The following PKIA variants were observed in gnomAD, a reference collection of about 807,000 sequenced individuals.
The protein encoded by PKIA is cAMP-dependent protein kinase inhibitor alpha.
Under a neutral mutation model 7.6 loss-of-function variants are expected in PKIA, and 4 were observed. The observed-to-expected ratio is 0.52, with a 90% CI of 0.26 to 1.20. The LOEUF is 1.20. PKIA is among the 50% of genes most tolerant of loss of function. PKIA has a pLI of 0.13. For synonymous variants in PKIA, 21 were observed against 30.7 expected (o/e 0.68, Z 1.04); for missense variants, 73 against 86.2 (o/e 0.85, Z 0.61).
chr8:78,529,276 T>A (rs1301958709), intron 1 of PKIA, among the ~76,000 whole-genome samples: 2 of 152,104 alleles, frequency 1.3e-5, no homozygotes, highest in Non-Finnish European at 2.9e-5. Context: ...CAGTGTTATC[T>A]CAATAGTGTG....
At chr8:78,545,582 T>G in intron 1 of PKIA, among the ~76,000 whole-genome samples, 1 of 152,180 alleles carries the variant, frequency 6.6e-6, no homozygotes, top group East Asian at 1.9e-4. Context: ...TTTACTGACA[T>G]AATACTAATA....
intron 1 of PKIA, among the ~76,000 whole-genome samples, chr8:78,532,242 A>G (rs1463421981): frequency 6.6e-6 from 1 of 152,016 alleles, no homozygotes; most frequent in African/African-American, 2.4e-5. Flanking sequence ...CTCAAAGCTT[A>G]TTTAATATTA....
rs376974877 is a variant in PKIA at position 78,536,949 on chromosome 8, G to C, written c.-157+20481G>C. 8.7e-4 allele frequency among the ~76,000 whole-genome samples: 131 copies of C among 151,066 alleles called. 2 individuals are homozygous for C. Among genetic ancestry groups the C allele is most frequent in the Middle Eastern group, 6.8e-3 (2 of 292 alleles). The stretch of plus-strand genomic sequence containing the variant: ...GGCATCTCAGTCAACTCCCATATCT[G>C]AGTGGTTCTTTCAAATAATGCTTCT... On this transcript the variant is annotated intron_variant, in intron 1 of 3. Coordinates refer to ENST00000396418, the MANE Select transcript of PKIA (RefSeq NM_006823.4).
intron 1 of PKIA, among the ~76,000 whole-genome samples, chr8:78,538,008 C>T (rs1432221091): frequency 6.6e-6 from 1 of 152,026 alleles, no homozygotes; most frequent in Non-Finnish European, 1.5e-5. Context: ...AAAAGTATTT[C>T]ATGATAAACT....
intron 1 of PKIA, among the ~76,000 whole-genome samples, chr8:78,525,908 G>A (rs1809535202): frequency 1.3e-5 from 2 of 151,808 alleles, no homozygotes; most frequent in Admixed American, 6.6e-5. Context: ...CTAGCTGTGT[G>A]ATTTATACGT....
intron 1 of PKIA, among the ~76,000 whole-genome samples, chr8:78,572,130 C>A (rs1189160512): frequency 1.3e-5 from 2 of 151,964 alleles, no homozygotes; most frequent in Admixed American, 1.3e-4. Flanking sequence ...AACCTTTTTG[C>A]ATAATTTGCT....
chr8:78,573,011 G>A (rs1317901797), intron 2 of PKIA, 72 bp downstream of exon 2: 1 of 151,982 alleles, frequency 6.6e-6, no homozygotes, highest in African/African-American at 2.4e-5. Context: ...TGGTGTGACT[G>A]TCTGAAACAA....
chr8:78,546,133 C>G (rs1208444570), intron 1 of PKIA, among the ~76,000 whole-genome samples: 1 of 152,146 alleles, frequency 6.6e-6, no homozygotes, highest in African/African-American at 2.4e-5. Context: ...AATACATCAA[C>G]TAATACATTG....
chr8:78,552,621 G>A (rs1254608260), intron 1 of PKIA, among the ~76,000 whole-genome samples: 2 of 152,012 alleles, frequency 1.3e-5, no homozygotes, highest in East Asian at 1.9e-4. Flanking sequence ...ACAGGAACAT[G>A]CATGGGAACA....
At chr8:78,601,413 C>G (rs949449713) in intron 3 of PKIA, among the ~76,000 whole-genome samples, 10 of 152,050 alleles carry the variant, frequency 6.6e-5, no homozygotes, top group Admixed American at 2.6e-4. Context: ...ATTTCTGCAA[C>G]CTGTGAAACT....
intron 1 of PKIA, among the ~76,000 whole-genome samples, chr8:78,563,366 A>G: frequency 6.6e-6 from 1 of 152,266 alleles, no homozygotes; most frequent in East Asian, 1.9e-4. Flanking sequence ...TACTGTTACT[A>G]GTATTATTAT....
At chr8:78,575,545 T>C (rs1044456805) in intron 2 of PKIA, among the ~76,000 whole-genome samples, 1 of 152,006 alleles carries the variant, frequency 6.6e-6, no homozygotes, top group Non-Finnish European at 1.5e-5. Flanking sequence ...ATTTGAGTTG[T>C]TTTGGATCTA....
chr8:78,529,047 C>A (rs1216755500), intron 1 of PKIA, among the ~76,000 whole-genome samples: 1 of 151,980 alleles, frequency 6.6e-6, no homozygotes, highest in Non-Finnish European at 1.5e-5. Context: ...TAATTGGTGT[C>A]TCCAATAAAT....
At chr8:78,562,129 C>CA (rs573164492) in intron 1 of PKIA, among the ~76,000 whole-genome samples, 136 of 152,172 alleles carry the variant, frequency 8.9e-4, no homozygotes, top group Non-Finnish European at 1.5e-3. Context: ...TCTGAAACCC[C>CA]AAAAAATATT....
At chr8:78,594,539 GAA>G (rs1249360975) in intron 2 of PKIA, among the ~76,000 whole-genome samples, 4 of 152,126 alleles carry the variant, frequency 2.6e-5, no homozygotes, top group Non-Finnish European at 5.9e-5. Flanking sequence ...GAAACTCAGG[GAA>G]TAGAAAAACT....
chr8:78,553,749 T>C lies in PKIA; in HGVS notation c.-156-19062T>C, dbSNP rs1285684126. ...TTAAAACAACTGGATTTTTTTTTTTTTTTTGCAGTCTTTGGAAGAGGGTTA... is the reference window on the plus strand; with the variant it reads ...TTAAAACAACTGGATTTTTTTTTTTCTTTTGCAGTCTTTGGAAGAGGGTTA... On this transcript the variant is annotated intron_variant, in intron 1 of 3. Transcript: ENST00000396418. 2.0e-5 allele frequency among the ~76,000 whole-genome samples: 3 copies of C among 152,008 alleles called. No homozygotes were observed. The East Asian group carries it at 5.8e-4, about 29-fold the overall frequency.
At chr8:78,516,663 CAAAG>C (rs771143427) in intron 1 of PKIA, among the ~76,000 whole-genome samples, 195 bp downstream of exon 1, 4 of 152,244 alleles carry the variant, frequency 2.6e-5, no homozygotes, top group Non-Finnish European at 5.9e-5. Flanking sequence ...ACTGGGCAAA[CAAAG>C]AAGGCGTTCT....
At chr8:78,529,575 T>G (rs976293845) in intron 1 of PKIA, among the ~76,000 whole-genome samples, 11 of 152,056 alleles carry the variant, frequency 7.2e-5, no homozygotes, top group Non-Finnish European at 1.6e-4. Context: ...TGAAATAGTC[T>G]GAAATATATG....
rs935791921 is a variant in PKIA, at chr8:78,537,153, C to T, written c.-157+20685C>T. Among the ~76,000 whole-genome samples, 10 of 151,730 alleles carry T rather than the reference C, an allele frequency of 6.6e-5. No homozygotes were observed. The South Asian group carries it at 2.1e-3, about 32-fold the overall frequency. ...ACCAGCTCTTTTCTTCCCAAAATTTCCCCAAGTAACAAGGTTTAGTTTAGT... is the reference window on the plus strand; with the variant it reads ...ACCAGCTCTTTTCTTCCCAAAATTTTCCCAAGTAACAAGGTTTAGTTTAGT... On this transcript the variant is annotated intron_variant, in intron 1 of 3. Transcript: ENST00000396418.
Sources: allele counts gnomAD v4.1 joint callset (sites outside exome capture counted in the v4.1 genomes callset), GRCh38; gene constraint gnomAD v4.1.1; transcripts MANE v1.5; gene names NCBI Gene and HGNC (gene_info 2026-07-23, HGNC 2026-07-21).